Variants in RELL1 observed in about 807,000 individuals in gnomAD.
RELL1 encodes RELT like 1.
A neutral mutation model predicts 23.0 loss-of-function variants in RELL1; 10 were observed. The ratio of observed to expected loss-of-function variants is 0.43; its 90% CI spans 0.27 to 0.74. The LOEUF (loss-of-function observed/expected upper bound fraction) is 0.74. Ranked by LOEUF, RELL1 falls within the 30% of genes least tolerant of loss-of-function variation. The probability of loss-of-function intolerance (pLI) is 0.19; values close to 1 mark genes in which losing one functional copy is unlikely to be tolerated. For missense variants in RELL1, 315 were observed against 364.4 expected (o/e 0.86, Z 1.10); for synonymous variants, 146 against 146.8 (o/e 0.99, Z 0.04).
At chr4:37,645,203 T>C (rs1472134649) in intron 3 of RELL1, among the ~76,000 whole-genome samples, 1 of 152,188 alleles carries the variant, frequency 6.6e-6, no homozygotes, top group Admixed American at 6.5e-5. Flanking sequence ...ATTTGGCAAC[T>C]GCTCCAGCTT....
rs113822738 is a variant in RELL1 at position 37,627,936 on chromosome 4, G to A, written c.*3+3449C>T. On this transcript the variant is annotated intron_variant, in intron 6 of 6. Transcript: ENST00000454158. ...ATTCCAGTGCAGATCTTCTGGCTTC[G>A]TCTAGAACCAGAGAGTCTGGCCCAG... is the stretch of plus-strand genomic sequence containing the variant. 1.7e-3 allele frequency among the ~76,000 whole-genome samples: 256 copies of A among 152,226 alleles called. 3 individuals are homozygous for A. The highest frequency in any genetic ancestry group is 5.8e-3 in the African/African-American group (241 of 41,544).
chr4:37,608,207 C>A (rs997317368), downstream of RELL1, among the ~76,000 whole-genome samples: 4 of 152,026 alleles, frequency 2.6e-5, no homozygotes, highest in African/African-American at 7.3e-5. Context: ...AGTTAGTAAC[C>A]CTACAATGGC....
At position 37,686,326 on chromosome 4, in the gene RELL1, TC is replaced by T; in HGVS notation, c.-40del. ...CGCCCTCCTCCCCCAGGGCGCCGCG[TC>T]CCGCGCTCGGGAAGGCAGAGCCGCT... On this transcript the variant is annotated 5_prime_UTR_variant, in exon 1 of 7. Transcript: ENST00000454158. 1 of 1,444,518 alleles carries T rather than the reference TC, an allele frequency of 6.9e-7. No individual in the cohort carries two copies. The highest frequency in any genetic ancestry group is 9.1e-7 in the Non-Finnish European group (1 of 1,095,824). The allele number at this position is 1,444,518 out of a possible 1,614,324, so 89.5% of individuals were successfully genotyped here.
At chr4:37,627,964 G>A (rs1452348906) in intron 6 of RELL1, among the ~76,000 whole-genome samples, 1 of 152,094 alleles carries the variant, frequency 6.6e-6, no homozygotes, top group Admixed American at 6.5e-5. Flanking sequence ...TGGCCCAGAA[G>A]TAAAATTTTC....
At chr4:37,614,983 A>T (rs1229181550) in intron 6 of RELL1, among the ~76,000 whole-genome samples, 2 of 152,170 alleles carry the variant, frequency 1.3e-5, no homozygotes, top group Non-Finnish European at 2.9e-5. Context: ...TAAGCTAAAA[A>T]GGAGGGGCCT....
intron 1 of RELL1, among the ~76,000 whole-genome samples, chr4:37,684,795 A>T (rs1167663992): frequency 5.9e-5 from 9 of 151,990 alleles, no homozygotes; most frequent in Admixed American, 5.9e-4. Context: ...TCTACTAAAA[A>T]TACAAAAATT....
rs191756884 is a variant in RELL1, at chr4:37,618,866, G to A, written c.*4-5524C>T. On this transcript the variant is annotated intron_variant, in intron 6 of 6. Transcript: ENST00000454158. ...TTGATTTTTGTTTGGTTGGTTGGTC[G>A]TTTTTCTTTTCTTTTCTTTTCTTTT... Among the ~76,000 whole-genome samples the A allele has an allele frequency of 5.4e-3, 754 of 138,794 alleles. 13 individuals carry two copies. The highest frequency in any genetic ancestry group is 0.024 in the South Asian group (102 of 4,246). The allele number at this position is 138,794 out of a possible 152,430, so 91.1% of individuals were successfully genotyped here. A position where few individuals can be genotyped will look rare whatever the true frequency, so the allele number is the denominator to read the frequency against.
intron 1 of RELL1, among the ~76,000 whole-genome samples, chr4:37,665,554 G>A (rs1387335183): frequency 2.6e-5 from 4 of 152,156 alleles, no homozygotes; most frequent in South Asian, 4.1e-4. Context: ...CAATTTCCAC[G>A]TGGCTGCGAG....
chr4:37,668,219 TC>T (rs1721606288), intron 1 of RELL1, among the ~76,000 whole-genome samples: 1 of 62,618 alleles, frequency 1.6e-5, no homozygotes, highest in African/African-American at 6.1e-5. Flanking sequence ...CCCCTCCCCC[TC>T]CCCCTCTCCC....
At chr4:37,645,697 C>T (rs1306964676) in intron 3 of RELL1, among the ~76,000 whole-genome samples, 5 of 152,172 alleles carry the variant, frequency 3.3e-5, no homozygotes, top group Non-Finnish European at 7.3e-5. Context: ...TACTTGGAAC[C>T]TTCTTTCTTT....
At chr4:37,669,511 C>T (rs1721734436) in intron 1 of RELL1, among the ~76,000 whole-genome samples, 1 of 152,060 alleles carries the variant, frequency 6.6e-6, no homozygotes, top group Admixed American at 6.5e-5. Flanking sequence ...TCTGCCCGGC[C>T]ACCACCCTGT....
chr4:37,590,763 GA>G, downstream of RELL1: 1 of 1,614,118 alleles, frequency 6.2e-7, no homozygotes, highest in Non-Finnish European at 8.5e-7. Flanking sequence ...TCTCTGTGAG[GA>G]GAAGCTGGGA....
At chr4:37,674,670 G>C (rs1721961081) in intron 1 of RELL1, among the ~76,000 whole-genome samples, 1 of 152,200 alleles carries the variant, frequency 6.6e-6, no homozygotes, top group African/African-American at 2.4e-5. Flanking sequence ...ACATAATTGT[G>C]TTGGGGACTT....
At chr4:37,623,233 T>C (rs1041109261) in intron 6 of RELL1, 15 of 189,100 alleles carry the variant, frequency 7.9e-5, no homozygotes, top group Non-Finnish European at 1.1e-4. Context: ...CACCTGGACC[T>C]GATCCAGACA....
intron 6 of RELL1, among the ~76,000 whole-genome samples, chr4:37,599,858 C>T (rs1197508183): frequency 5.9e-5 from 9 of 152,186 alleles, no homozygotes. Context: ...TTCCTTTCCT[C>T]AGTTTCATCA....
At chr4:37,637,355 C>A (rs62297180) in intron 4 of RELL1, among the ~76,000 whole-genome samples, 2,989 of 152,364 alleles carry the variant, frequency 0.02, 39 homozygotes, top group Middle Eastern at 0.037. Context: ...GCACAACCCA[C>A]ATAGCAAGTG....
At chr4:37,665,253 C>A (rs768759269) in intron 1 of RELL1, 20 of 456,078 alleles carry the variant, frequency 4.4e-5, no homozygotes, top group Non-Finnish European at 7.5e-5. Flanking sequence ...TAAGTAGATT[C>A]TTTTCAGAGC....
intron 1 of RELL1, among the ~76,000 whole-genome samples, chr4:37,683,090 C>A (rs1304558145): frequency 6.6e-6 from 1 of 152,204 alleles, no homozygotes; most frequent in African/African-American, 2.4e-5. Context: ...CACTACCCAC[C>A]GTGAAGCTAT....
downstream of RELL1, among the ~76,000 whole-genome samples, chr4:37,605,799 GAAAGAAAGAA>G (rs1560324667): frequency 3.6e-4 from 32 of 89,110 alleles, no homozygotes; most frequent in African/African-American, 9.7e-4. Flanking sequence ...GAAAGAGAAA[GAAAGAAAGAA>G]AGAAAGAAAG....
Sources: gnomAD v4.1 joint callset for allele counts (sites outside exome capture counted in the v4.1 genomes callset) on GRCh38, gnomAD v4.1.1 for gene constraint, MANE v1.5 for transcripts, NCBI Gene and HGNC (gene_info 2026-07-23, HGNC 2026-07-21) for gene names.